Variants in SEMA6D observed in about 807,000 individuals in gnomAD.
SEMA6D encodes the protein semaphorin 6D.
Under a neutral mutation model 106.6 loss-of-function variants are expected in SEMA6D, and 35 were observed. That is an observed-to-expected ratio of 0.33 (90% confidence interval 0.25 to 0.44). The LOEUF is 0.44. Among genes scored for constraint, SEMA6D ranks in the 20% least tolerant of loss-of-function variants. SEMA6D has a pLI of 1.00. For missense variants in SEMA6D, 1,185 were observed against 1,345.9 expected, an observed-to-expected ratio of 0.88 and a Z score of 1.87; for synonymous variants, 499 against 487.7, an observed-to-expected ratio of 1.02 and a Z score of -0.31.
At chr15:47,669,528 G>A (rs1255105994) in intron 4 of SEMA6D, among the ~76,000 whole-genome samples, 1 of 152,154 alleles carries the variant, frequency 6.6e-6, no homozygotes, top group Non-Finnish European at 1.5e-5. Context: ...TGCTATGGCT[G>A]CCTTGACAAT....
At chr15:47,299,121 TG>T (rs1381884383) in intron 1 of SEMA6D, among the ~76,000 whole-genome samples, 1 of 152,046 alleles carries the variant, frequency 6.6e-6, no homozygotes, top group African/African-American at 2.4e-5. Flanking sequence ...GACTGCTGGG[TG>T]GGTGGGCATC....
chr15:47,469,456 T>C (rs1187898038), intron 2 of SEMA6D, among the ~76,000 whole-genome samples: 1 of 152,108 alleles, frequency 6.6e-6, no homozygotes, highest in Non-Finnish European at 1.5e-5. Context: ...CTTCAACCTG[T>C]TCAGTTATAT....
At chr15:47,324,540 C>T (rs370220256) in intron 1 of SEMA6D, among the ~76,000 whole-genome samples, 43 of 152,004 alleles carry the variant, frequency 2.8e-4, no homozygotes, top group African/African-American at 6.3e-4. Context: ...GTTCTAAGAT[C>T]GGTAGGAGCA....
chr15:47,266,130 A>G (rs576985664), intron 1 of SEMA6D, among the ~76,000 whole-genome samples: 1 of 152,178 alleles, frequency 6.6e-6, no homozygotes, highest in South Asian at 2.1e-4. Flanking sequence ...CCCTGTTGTC[A>G]CTTTTCCCCA....
intron 1 of SEMA6D, among the ~76,000 whole-genome samples, chr15:47,202,421 C>T (rs1004259232): frequency 9.9e-5 from 15 of 151,912 alleles, no homozygotes; most frequent in African/African-American, 2.9e-4. Flanking sequence ...CAGGGACATT[C>T]GATTGGTAAG....
chr15:47,533,151 G>A (rs1001721788), intron 3 of SEMA6D, among the ~76,000 whole-genome samples: 2 of 152,174 alleles, frequency 1.3e-5, no homozygotes, highest in African/African-American at 2.4e-5. Context: ...TTTTATCCCT[G>A]AGATAATGTG....
At chr15:47,307,011 A>G (rs1481360586) in intron 1 of SEMA6D, among the ~76,000 whole-genome samples, 1 of 152,226 alleles carries the variant, frequency 6.6e-6, no homozygotes, top group Non-Finnish European at 1.5e-5. Flanking sequence ...TTTTACATAC[A>G]CAACCCAAAT....
intron 2 of SEMA6D, among the ~76,000 whole-genome samples, chr15:47,417,370 CT>C (rs2041001902): frequency 6.6e-6 from 1 of 150,714 alleles, no homozygotes; most frequent in East Asian, 2.0e-4. Context: ...TGGTTATGTA[CT>C]TTACCTTTTA....
chr15:47,474,081 G>A (rs2042934463), intron 3 of SEMA6D, among the ~76,000 whole-genome samples: 1 of 152,180 alleles, frequency 6.6e-6, no homozygotes. Flanking sequence ...TAGCTGGCTG[G>A]ACCTTGGAAG....
chr15:47,205,853 A>T (rs1595738225), intron 1 of SEMA6D, among the ~76,000 whole-genome samples: 1 of 152,250 alleles, frequency 6.6e-6, no homozygotes, highest in East Asian at 1.9e-4. Flanking sequence ...CAATATAAAT[A>T]TAGCATGCAT....
intron 3 of SEMA6D, among the ~76,000 whole-genome samples, chr15:47,579,900 A>G (rs564477240): frequency 7.9e-5 from 12 of 152,304 alleles, no homozygotes; most frequent in Admixed American, 7.8e-4. Context: ...CTCAACCACA[A>G]CATTTGCATT....
At chr15:47,439,076 T>C (rs887528465) in intron 2 of SEMA6D, among the ~76,000 whole-genome samples, 27 of 152,088 alleles carry the variant, frequency 1.8e-4, no homozygotes, top group Admixed American at 3.9e-4. Context: ...CTGGGAACCA[T>C]AGCTTTTGTG....
rs1410833751 is a variant in SEMA6D, at chr15:47,760,312, C to T, written c.118C>T (p.Gln40Ter). 1 of 1,612,672 alleles carries T rather than the reference C, an allele frequency of 6.2e-7. No homozygotes were observed. The highest frequency in any genetic ancestry group is 2.2e-5 in the East Asian group (1 of 44,852). ...LNTVDYHYSR[Q>*]YPVFRGRPSG... ...CCCATTTTTACTTGCAGATTCAAGGCAATATCCGGTTTTTAGAGGACGCCC... is the reference window on the plus strand; with the variant it reads ...CCCATTTTTACTTGCAGATTCAAGGTAATATCCGGTTTTTAGAGGACGCCC... The change falls in exon 3 of 19, where the codon CAA (glutamine) becomes TAA (stop). Residue 40 changes from glutamine (Q) to a stop codon, truncating the protein, a stop_gained. Coordinates refer to ENST00000536845, the MANE Select transcript of SEMA6D (RefSeq NM_001358351.3). LOFTEE classifies it high-confidence loss of function.
intron 4 of SEMA6D, among the ~76,000 whole-genome samples, chr15:47,674,326 G>A (rs970178929): frequency 3.3e-5 from 5 of 152,172 alleles, no homozygotes; most frequent in South Asian, 2.1e-4. Context: ...AAGGAAAGAC[G>A]TAGCTTGTGG....
chr15:47,547,299 C>T lies in SEMA6D; in HGVS notation c.-86-53566C>T, dbSNP rs151227657. Among the ~76,000 whole-genome samples, 775 of 152,142 alleles carry T rather than the reference C, an allele frequency of 5.1e-3. 2 individuals are homozygous for T. Among genetic ancestry groups the T allele is most frequent in the Admixed American group, 8.4e-3 (128 of 15,266 alleles). ...TAAGCACCTGATATTTTCCCGGAAA[C>T]GGTAGCAACACCACCATCACCACTA... On this transcript the variant is annotated intron_variant, in intron 3 of 19. Transcript: ENST00000558014.
At chr15:47,289,408 A>G (rs1010940869) in intron 1 of SEMA6D, among the ~76,000 whole-genome samples, 1 of 151,644 alleles carries the variant, frequency 6.6e-6, no homozygotes, top group African/African-American at 2.4e-5. Context: ...AAAAAAAAAA[A>G]AAAAAAAAGA....
chr15:47,441,647 G>T (rs574697744), intron 2 of SEMA6D, among the ~76,000 whole-genome samples: 1 of 152,202 alleles, frequency 6.6e-6, no homozygotes, highest in South Asian at 2.1e-4. Flanking sequence ...GGCCTTAGAA[G>T]ATTCCAATAT....
At chr15:47,368,750 T>C (rs889935300) in intron 1 of SEMA6D, among the ~76,000 whole-genome samples, 1 of 152,184 alleles carries the variant, frequency 6.6e-6, no homozygotes, top group Non-Finnish European at 1.5e-5. Context: ...AACTGAAAGC[T>C]CAAAGTCTGT....
At chr15:47,302,018 C>T (rs2036043455) in intron 1 of SEMA6D, among the ~76,000 whole-genome samples, 1 of 152,152 alleles carries the variant, frequency 6.6e-6, no homozygotes, top group South Asian at 2.1e-4. Context: ...ACAGCAACAA[C>T]AGTAACAACC....
Sources: gnomAD v4.1 joint callset for allele counts (sites outside exome capture counted in the v4.1 genomes callset) on GRCh38, gnomAD v4.1.1 for gene constraint, MANE v1.5 for transcripts, NCBI Gene and HGNC (gene_info 2026-07-23, HGNC 2026-07-21) for gene names.